Variants in ELP4 observed in about 807,000 individuals in gnomAD.
The protein encoded by ELP4 is elongator acetyltransferase complex subunit 4, also known as elongator complex protein 4.
Under a neutral mutation model 48.9 loss-of-function variants are expected in ELP4, and 51 were observed. The ratio of observed to expected loss-of-function variants is 1.04; its 90% CI spans 0.83 to 1.32. The LOEUF is 1.32. ELP4 is among the 40% of genes most tolerant of loss of function. The pLI, the probability that ELP4 is intolerant of heterozygous loss-of-function variation, is 0.00. For synonymous variants in ELP4, 210 were observed against 189.2 expected, an observed-to-expected ratio of 1.11 and a Z score of -0.90; for missense variants, 519 against 514.6, an observed-to-expected ratio of 1.01 and a Z score of -0.08.
intron 9 of ELP4, among the ~76,000 whole-genome samples, chr11:31,678,938 G>C (rs1945997400): frequency 6.6e-6 from 1 of 152,036 alleles, no homozygotes; most frequent in East Asian, 1.9e-4. Context: ...AGTGTTTTTG[G>C]ATTTTAGCCA....
At chr11:31,681,609 C>A (rs77690068) in intron 9 of ELP4, among the ~76,000 whole-genome samples, 2 of 151,832 alleles carry the variant, frequency 1.3e-5, no homozygotes, top group Admixed American at 1.3e-4. Flanking sequence ...TAGAAGAAGA[C>A]TGAAAGGGAA....
At chr11:31,547,725 C>CA (rs1389989358) in intron 3 of ELP4, among the ~76,000 whole-genome samples, 2 of 152,128 alleles carry the variant, frequency 1.3e-5, no homozygotes, top group Non-Finnish European at 2.9e-5. Context: ...AACATTCATG[C>CA]AAAAATCCTC....
intron 5 of ELP4, among the ~76,000 whole-genome samples, chr11:31,606,472 G>C (rs1957877645): frequency 1.3e-5 from 2 of 152,006 alleles, no homozygotes; most frequent in Non-Finnish European, 2.9e-5. Context: ...AACATGTAAA[G>C]ATATTTTTAC....
intron 9 of ELP4, among the ~76,000 whole-genome samples, chr11:31,744,541 A>T (rs1947534174): frequency 6.6e-6 from 1 of 152,206 alleles, no homozygotes; most frequent in Non-Finnish European, 1.5e-5. Flanking sequence ...CTTATCCACC[A>T]TGATCAAGTG....
At chr11:31,741,669 A>T (rs1947454285) in intron 9 of ELP4, among the ~76,000 whole-genome samples, 1 of 152,222 alleles carries the variant, frequency 6.6e-6, no homozygotes, top group South Asian at 2.1e-4. Flanking sequence ...ACTCCAACAG[A>T]CCTACAGCTG....
At chr11:31,561,948 T>C (rs1211868546) in intron 3 of ELP4, among the ~76,000 whole-genome samples, 1 of 152,208 alleles carries the variant, frequency 6.6e-6, no homozygotes, top group Non-Finnish European at 1.5e-5. Flanking sequence ...TCAGAATGCC[T>C]TGAAAGTCAG....
At chr11:31,763,691 C>A in intron 9 of ELP4, 1 of 872,814 alleles carries the variant, frequency 1.1e-6, no homozygotes, top group Non-Finnish European at 1.6e-6. Context: ...TTAAACTTTA[C>A]AGCTAAAACT....
intron 9 of ELP4, among the ~76,000 whole-genome samples, chr11:31,764,153 C>T (rs1232185858): frequency 2.6e-5 from 4 of 152,012 alleles, no homozygotes; most frequent in South Asian, 4.1e-4. Flanking sequence ...TCTTGGTGTG[C>T]GATACAATAT....
chr11:31,762,763 TTA>T (rs1947968744), intron 9 of ELP4, among the ~76,000 whole-genome samples: 1 of 151,632 alleles, frequency 6.6e-6, no homozygotes, highest in Non-Finnish European at 1.5e-5. Flanking sequence ...CTCTAATTTC[TTA>T]TGTCTTAAGA....
rs571275487 is a variant in ELP4, at chr11:31,776,650, A to T, written c.1144-6743A>T. Among the ~76,000 whole-genome samples the T allele has an allele frequency of 4.1e-4, 62 of 152,350 alleles. 1 individual carries two copies. Among genetic ancestry groups the T allele is most frequent in the African/African-American group, 1.4e-3 (58 of 41,588 alleles). On this transcript the variant is annotated intron_variant, in intron 9 of 9. Transcript: ENST00000640961. ...TGGAGGCAAGACAATACTGTCAGTT[A>T]TAATTGACGGTCAAAATAATTGCAC...
chr11:31,619,095 A>G (rs931020830), intron 5 of ELP4, among the ~76,000 whole-genome samples: 1 of 152,028 alleles, frequency 6.6e-6, no homozygotes, highest in Non-Finnish European at 1.5e-5. Context: ...ATAGAGTAGT[A>G]GCTGGTAAAT....
At chr11:31,696,414 T>G (rs1193151911) in intron 9 of ELP4, among the ~76,000 whole-genome samples, 6 of 152,208 alleles carry the variant, frequency 3.9e-5, no homozygotes, top group Non-Finnish European at 8.8e-5. Flanking sequence ...TCTGCCTTCA[T>G]TTTGTTATAT....
At chr11:31,618,783 A>G (rs1944552002) in intron 5 of ELP4, among the ~76,000 whole-genome samples, 1 of 152,110 alleles carries the variant, frequency 6.6e-6, no homozygotes. Flanking sequence ...AAGGAATGAA[A>G]ATATTCTAAA....
chr11:31,722,000 ACAGCCCTGTGGC>A (rs1377045146), intron 9 of ELP4, among the ~76,000 whole-genome samples: 2 of 152,200 alleles, frequency 1.3e-5, no homozygotes, highest in Non-Finnish European at 2.9e-5. Context: ...AGCCTAATAC[ACAGCCCTGTGGC>A]CAGCAGCTTC....
intron 9 of ELP4, among the ~76,000 whole-genome samples, chr11:31,691,440 A>G (rs1946279298): frequency 6.6e-6 from 1 of 152,100 alleles, no homozygotes; most frequent in Non-Finnish European, 1.5e-5. Flanking sequence ...TGCTTCATTC[A>G]GCTTCTGGCC....
intron 9 of ELP4, chr11:31,663,591 C>T (rs1337411194): frequency 6.6e-6 from 1 of 151,930 alleles, no homozygotes; most frequent in Non-Finnish European, 1.5e-5. Context: ...AAAACTTTAA[C>T]TGTTCATTAG....
chr11:31,663,934 C>G (rs1221401227), intron 9 of ELP4: 3 of 151,948 alleles, frequency 2.0e-5, no homozygotes, highest in Non-Finnish European at 2.9e-5. Flanking sequence ...ACACCAGTGT[C>G]CTTACCATTT....
At chr11:31,714,121 G>A (rs1946795479) in intron 9 of ELP4, among the ~76,000 whole-genome samples, 1 of 152,080 alleles carries the variant, frequency 6.6e-6, no homozygotes, top group African/African-American at 2.4e-5. Flanking sequence ...CATTTTGGAT[G>A]TAAAACTGCT....
rs889734640 is a variant in ELP4, at chr11:31,702,526, A to G, written c.1143+52305A>G. Among the ~76,000 whole-genome samples the G allele has an allele frequency of 7.2e-5, 11 of 152,224 alleles. No homozygotes were observed. The East Asian group carries it at 1.7e-3, about 24-fold the overall frequency. On this transcript the variant is annotated intron_variant, in intron 9 of 9. Coordinates refer to ENST00000640961, the MANE Select transcript of ELP4 (RefSeq NM_019040.5). ...TCAGTACTTAATGCCACTGAACTGT[A>G]CATTTAAGAATGGTTAAGAGATAAA...
Sources: gnomAD v4.1 joint callset for allele counts (sites outside exome capture counted in the v4.1 genomes callset) on GRCh38, gnomAD v4.1.1 for gene constraint, MANE v1.5 for transcripts, NCBI Gene and HGNC (gene_info 2026-07-23, HGNC 2026-07-21) for gene names.